Variants in GRK2 observed in about 807,000 individuals in gnomAD.
GRK2 encodes the protein adrenergic beta receptor kinase 1.
Under a neutral mutation model 97.8 loss-of-function variants are expected in GRK2, and 23 were observed. The ratio of observed to expected loss-of-function variants is 0.24; its 90% CI spans 0.17 to 0.33. GRK2 has a LOEUF of 0.33. Among genes scored for constraint, GRK2 ranks in the 10% least tolerant of loss-of-function variants. The pLI is 1.00. For synonymous variants in GRK2, 425 were observed against 381.7 expected (o/e 1.11, Z -1.32); for missense variants, 633 against 956.9 (o/e 0.66, Z 4.47).
At chr11:67,268,131 T>C (rs956850421) in intron 1 of GRK2, among the ~76,000 whole-genome samples, 1 of 152,212 alleles carries the variant, frequency 6.6e-6, no homozygotes, top group African/African-American at 2.4e-5. Context: ...GCCTCGGTCT[T>C]CTCATCTGTG....
At chr11:67,283,811 C>T in intron 16 of GRK2, 38 bp downstream of exon 16, 1 of 1,610,790 alleles carries the variant, frequency 6.2e-7, no homozygotes, top group Non-Finnish European at 8.5e-7. Context: ...TGCTCTGCAG[C>T]CCCACCCCCG....
rs778421554 is a variant in GRK2 at position 67,283,158 on chromosome 11, G to A, written c.1258G>A (p.Glu420Lys). 1 of 1,614,006 alleles carries A rather than the reference G, an allele frequency of 6.2e-7. No individual in the cohort carries two copies. The highest frequency in any genetic ancestry group is 2.2e-5 in the East Asian group (1 of 44,884). ...AVELPDSFSP[E>K]LRSLLEGLLQ... ...GGAGCTGCCCGACTCCTTCTCCCCT[G>A]AACTACGCTCCCTGCTGGAGGGGTT... is the stretch of plus-strand genomic sequence containing the variant. The change falls in exon 15 of 21, where the codon GAA becomes AAA. Residue 420 changes from glutamate (E) to lysine (K), a missense_variant. Coordinates refer to ENST00000308595, the MANE Select transcript of GRK2 (RefSeq NM_001619.5).
chr11:67,278,967 G>A (rs1336260839), intron 2 of GRK2, among the ~76,000 whole-genome samples: 3 of 152,210 alleles, frequency 2.0e-5, no homozygotes, highest in Non-Finnish European at 4.4e-5. Flanking sequence ...ACCACCTGGG[G>A]AAACAGATTT....
Position 67,281,342 on chromosome 11 carries a change from T to C in GRK2, c.648-117T>C. ...GCTCCTCTGGCCCCAGCCCTCCCTG[T>C]CTCTGATTTGTGTCACACGCTGGTC... On this transcript the variant is annotated intron_variant, in intron 8 of 20. Transcript: ENST00000308595. This position sits in a 1 kb window ranked among gnomAD's most constrained non-coding sequence, Gnocchi z 5.7. The C allele has an allele frequency of 8.8e-7, 1 of 1,137,518 alleles. No individual in the cohort carries two copies. The highest frequency in any genetic ancestry group is 1.3e-6 in the Non-Finnish European group (1 of 776,076). 70.5% of individuals were successfully genotyped at this position (1,137,518 alleles called of 1,614,324 possible). A position where few individuals can be genotyped will look rare whatever the true frequency, so the allele number is the denominator to read the frequency against.
chr11:67,279,025 C>A (rs1385019030), intron 2 of GRK2, among the ~76,000 whole-genome samples, 175 bp from the exon 3 acceptor site: 1 of 152,200 alleles, frequency 6.6e-6, no homozygotes, highest in Admixed American at 6.5e-5. Flanking sequence ...ATCCAGGAAT[C>A]TTCACGTTGG....
chr11:67,274,513 T>C (rs1344332222), intron 1 of GRK2, among the ~76,000 whole-genome samples: 1 of 117,644 alleles, frequency 8.5e-6, no homozygotes, highest in Non-Finnish European at 1.9e-5. Context: ...TTTTTTTTTT[T>C]TTTTTTTTTG....
rs1449906556 is a variant in GRK2, at chr11:67,284,302, C to T, written c.1583C>T (p.Thr528Ile). ...GAGGTGGCAGAGACTGTCTTCGACA[C>T]CATCAACGCTGAGACAGACCGGCTG... is the stretch of plus-strand genomic sequence containing the variant. The part of the protein sequence containing the change: ...QQEVAETVFD[T>I]INAETDRLEA... The change falls in exon 18 of 21, where the codon ACC (threonine) becomes ATC (isoleucine). Residue 528 changes from threonine (T) to isoleucine (I), a missense_variant. Thr to Ile is a moderately conservative substitution (Grantham distance 89, BLOSUM62 -1). Coordinates refer to ENST00000308595, the MANE Select transcript of GRK2 (RefSeq NM_001619.5). 6 of 1,613,318 alleles carry T rather than the reference C, an allele frequency of 3.7e-6. No homozygotes were observed. Among genetic ancestry groups the T allele is most frequent in the Non-Finnish European group, 4.2e-6 (5 of 1,180,014 alleles).
chr11:67,281,876 T>A lies in GRK2; in HGVS notation c.881T>A (p.Met294Lys). 6.2e-7 allele frequency: 1 copy of A among 1,613,574 alleles called. No homozygotes were observed. Among genetic ancestry groups the A allele is most frequent in the Non-Finnish European group, 8.5e-7 (1 of 1,179,962 alleles). Reference sequence around the variant, plus strand: ...CACGGGGTCTTCTCAGAGGCTGACATGCGCTTCTATGCGGCCGAGATCATC... The same window carrying A: ...CACGGGGTCTTCTCAGAGGCTGACAAGCGCTTCTATGCGGCCGAGATCATC... ...SQHGVFSEADMRFYAAEIILG... is the reference protein window; with the variant it reads ...SQHGVFSEADKRFYAAEIILG... Residue 294 changes from methionine (M) to lysine (K), a missense_variant, in exon 11 of 21, where the codon ATG becomes AAG. This residue lies in a region of GRK2 where 192 missense variants were observed against 362.3 expected (regional missense o/e 0.53). Coordinates refer to ENST00000308595, the MANE Select transcript of GRK2 (RefSeq NM_001619.5). This position sits in a 1 kb window ranked among gnomAD's most constrained non-coding sequence, Gnocchi z 5.7.
At chr11:67,274,472 G>T (rs1055155303) in intron 1 of GRK2, among the ~76,000 whole-genome samples, 1 of 113,858 alleles carries the variant, frequency 8.8e-6, no homozygotes, top group Non-Finnish European at 1.8e-5. Flanking sequence ...TCTGCCTGTC[G>T]CTACCTTCCG....
At position 67,283,246 on chromosome 11, in the gene GRK2, T is replaced by A; in HGVS notation, c.1328+18T>A. On this transcript the variant is annotated intron_variant, in intron 15 of 20. Coordinates refer to ENST00000308595, the MANE Select transcript of GRK2 (RefSeq NM_001619.5). ...GGCCGAGGGTGAGTACCCTGGCGCC[T>A]TGGGCATGCTGCTGGCTGTGCCCCC... 1 of 1,604,644 alleles carries A rather than the reference T, an allele frequency of 6.2e-7. No homozygotes were observed. Among genetic ancestry groups the A allele is most frequent in the South Asian group, 1.1e-5 (1 of 90,938 alleles).
At chr11:67,267,040 C>T (rs963259198) in intron 1 of GRK2, among the ~76,000 whole-genome samples, 2 of 152,036 alleles carry the variant, frequency 1.3e-5, no homozygotes, top group Non-Finnish European at 2.9e-5. Flanking sequence ...CTCCGGAGCT[C>T]CTCTGCCCCA....
At chr11:67,280,807 G>C in intron 7 of GRK2, 24 bp downstream of exon 7, 11 of 1,613,378 alleles carry the variant, frequency 6.8e-6, no homozygotes, top group Non-Finnish European at 8.5e-6. Flanking sequence ...GGTGGGGCAT[G>C]GAAAGCCACG....
At position 67,279,701 on chromosome 11, in the gene GRK2, G is replaced by T; in HGVS notation, c.441+1G>T. 1 of 1,613,696 alleles carries T rather than the reference G, an allele frequency of 6.2e-7. No homozygotes were observed. Among genetic ancestry groups the T allele is most frequent in the Non-Finnish European group, 8.5e-7 (1 of 1,180,002 alleles). ...GCAGGTGCCTCCGGATCTCTTCCAG[G>T]TGTGTGCCTCCCGGTCCCTCCCCAG... is the stretch of plus-strand genomic sequence containing the variant. On this transcript the variant is annotated splice_donor_variant, in intron 5 of 20. Coordinates refer to ENST00000308595, the MANE Select transcript of GRK2 (RefSeq NM_001619.5). LOFTEE classifies it high-confidence loss of function.
chr11:67,273,111 G>A (rs780964439), intron 1 of GRK2, among the ~76,000 whole-genome samples: 1 of 152,228 alleles, frequency 6.6e-6, no homozygotes, highest in Non-Finnish European at 1.5e-5. Context: ...CCAGTGTGAC[G>A]GTGGCGATTC....
At chr11:67,278,810 C>G (rs185590999) in intron 2 of GRK2, among the ~76,000 whole-genome samples, 1 of 152,016 alleles carries the variant, frequency 6.6e-6, no homozygotes, top group South Asian at 2.1e-4. Flanking sequence ...CTGCACAGCC[C>G]GCCCCGGTGG....
rs146737713 is a variant in GRK2, at chr11:67,280,296, C to T, written c.503+396C>T. 2.1e-5 allele frequency: 8 copies of T among 372,750 alleles called. No homozygotes were observed. In the East Asian group the frequency reaches 2.4e-4, roughly 11 times the overall value. The allele number at this position is 372,750 out of a possible 1,614,324, so 23.1% of individuals were successfully genotyped here. ...GTGACCCTCACAGCCAGAGTTGGCG[C>T]GGTGGGTGGGAATTGTAGGTAGATT... On this transcript the variant is annotated intron_variant, in intron 6 of 20. Coordinates refer to ENST00000308595, the MANE Select transcript of GRK2 (RefSeq NM_001619.5).
intron 1 of GRK2, among the ~76,000 whole-genome samples, chr11:67,267,215 C>T (rs1422247868): frequency 6.6e-6 from 1 of 152,246 alleles, no homozygotes; most frequent in Non-Finnish European, 1.5e-5. Flanking sequence ...CCTGTGGGGT[C>T]CCCTCCCCTC....
chr11:67,277,183 C>T (rs545083993), intron 1 of GRK2, 89 bp from the exon 2 acceptor site: 1 of 1,292,836 alleles, frequency 7.7e-7, no homozygotes, highest in Admixed American at 1.8e-5. Flanking sequence ...AGTGGCGACA[C>T]CACCACAGTG....
rs1463075175 is a variant in GRK2 at position 67,283,886 on chromosome 11, G to A, written c.1428G>A (p.Glu476=). ...YPPPLIPPRG[E]VNAADAFDIG... ...CCCCGCTGATCCCCCCACGAGGGGA[G>A]GTGAACGCGGCCGACGCCTTCGACA... Residue 476 remains glutamate (E), a synonymous_variant, in exon 17 of 21, where the codon GAG becomes GAA. Transcript: ENST00000308595. The A allele has an allele frequency of 1.2e-6, 2 of 1,613,188 alleles. No homozygotes were observed. The highest frequency in any genetic ancestry group is 1.1e-5 in the South Asian group (1 of 91,066).
Sources: gnomAD v4.1 joint callset for allele counts (sites outside exome capture counted in the v4.1 genomes callset) on GRCh38, gnomAD v4.1.1 for gene constraint, gnomAD v4.1.1 regional missense constraint, Gnocchi (gnomAD v3.1) non-coding constraint, MANE v1.5 for transcripts, NCBI Gene and HGNC (gene_info 2026-07-23, HGNC 2026-07-21) for gene names.